Variants in EPHA6 observed in about 807,000 individuals in gnomAD.
The protein encoded by EPHA6 is EPH receptor A6.
EPHA6 carries 50 observed loss-of-function variants against 112.0 expected under a neutral mutation model. The ratio of observed to expected loss-of-function variants is 0.45; its 90% CI spans 0.36 to 0.56. The LOEUF (loss-of-function observed/expected upper bound fraction) is 0.56. Among genes scored for constraint, EPHA6 ranks in the 20% least tolerant of loss-of-function variants. EPHA6 has a pLI of 0.00. For synonymous variants in EPHA6, 529 were observed against 490.7 expected, an observed-to-expected ratio of 1.08 and a Z score of -1.03; for missense variants, 1,280 against 1,417.4, an observed-to-expected ratio of 0.90 and a Z score of 1.56.
At chr3:97,007,431 C>CTTTTT (rs61260971) in intron 3 of EPHA6, among the ~76,000 whole-genome samples, 1 of 146,412 alleles carries the variant, frequency 6.8e-6, no homozygotes, top group Non-Finnish European at 1.5e-5. Context: ...GCGGTCCCTG[C>CTTTTT]TTTTTTTTTT....
chr3:96,918,380 A>G (rs62263686), intron 2 of EPHA6, among the ~76,000 whole-genome samples: 4,607 of 152,216 alleles, frequency 0.03, 107 homozygotes, highest in Middle Eastern at 0.065. Context: ...TTATGATTTA[A>G]ATAGTTGTGT....
chr3:97,546,532 A>G (rs1167092777), intron 11 of EPHA6, among the ~76,000 whole-genome samples: 2 of 151,998 alleles, frequency 1.3e-5, no homozygotes, highest in Non-Finnish European at 2.9e-5. Context: ...TAAATCTGAC[A>G]ATTATGTGTC....
intron 2 of EPHA6, among the ~76,000 whole-genome samples, chr3:96,900,691 AT>A (rs2038557560): frequency 6.6e-6 from 1 of 152,216 alleles, no homozygotes; most frequent in African/African-American, 2.4e-5. Flanking sequence ...ATTCACATGG[AT>A]TGTTTTTGCC....
chr3:97,118,378 C>T (rs1157206138), intron 3 of EPHA6, among the ~76,000 whole-genome samples: 2 of 151,520 alleles, frequency 1.3e-5, no homozygotes, highest in African/African-American at 4.8e-5. Context: ...ATTTGGAAAA[C>T]ACCTTAAAAA....
In EPHA6 at chr3:96,877,895, T is replaced by C. The variant is rs759836559; in HGVS notation, c.450+11006T>C. On this transcript the variant is annotated intron_variant, in intron 2 of 17. Transcript: ENST00000389672. Reference sequence around the variant, plus strand: ...AGCATGGAGTTAGGATTTGCGTGTGTATATAGTATGTGTGTGTGTATATAT... The same window carrying C: ...AGCATGGAGTTAGGATTTGCGTGTGCATATAGTATGTGTGTGTGTATATAT... 3.4e-5 allele frequency among the ~76,000 whole-genome samples: 5 copies of C among 147,914 alleles called. No individual in the cohort carries two copies. In the East Asian group the frequency reaches 5.9e-4, roughly 18 times the overall value.
chr3:97,193,595 G>C (rs1055014684), intron 3 of EPHA6, among the ~76,000 whole-genome samples: 1 of 149,114 alleles, frequency 6.7e-6, no homozygotes, highest in Non-Finnish European at 1.5e-5. Flanking sequence ...AGGATAACTT[G>C]ATTTTTTTTT....
At chr3:97,730,968 G>A (rs2035007200) in intron 15 of EPHA6, among the ~76,000 whole-genome samples, 1 of 152,082 alleles carries the variant, frequency 6.6e-6, no homozygotes, top group African/African-American at 2.4e-5. Context: ...CACATGGTGA[G>A]CCATTGCAGA....
chr3:97,661,270 T>C (rs192010833), intron 14 of EPHA6, among the ~76,000 whole-genome samples: 1 of 152,010 alleles, frequency 6.6e-6, no homozygotes, highest in East Asian at 1.9e-4. Flanking sequence ...TAGCTAAGAT[T>C]GTACTCCCTA....
intron 3 of EPHA6, among the ~76,000 whole-genome samples, chr3:97,216,283 A>G (rs2078032222): frequency 6.6e-6 from 1 of 152,116 alleles, no homozygotes; most frequent in South Asian, 2.1e-4. Flanking sequence ...AGACTTTTAA[A>G]CAACCTTATC....
intron 3 of EPHA6, among the ~76,000 whole-genome samples, chr3:97,002,582 A>C (rs2043706993): frequency 6.6e-6 from 1 of 151,672 alleles, no homozygotes; most frequent in African/African-American, 2.4e-5. Flanking sequence ...AATATTATGT[A>C]TTTTCTTTAA....
intron 12 of EPHA6, among the ~76,000 whole-genome samples, chr3:97,604,812 TA>T (rs1245184008): frequency 2.0e-5 from 3 of 151,698 alleles, no homozygotes; most frequent in African/African-American, 4.8e-5. Context: ...AATTTAGGAT[TA>T]AAAATTATTG....
intron 12 of EPHA6, among the ~76,000 whole-genome samples, chr3:97,605,915 A>G (rs2107437062): frequency 6.6e-6 from 1 of 151,460 alleles, no homozygotes; most frequent in African/African-American, 2.4e-5. Context: ...TTTCTGATTT[A>G]TTTCAGCAGT....
At chr3:97,084,219 T>A (rs2046822939) in intron 3 of EPHA6, among the ~76,000 whole-genome samples, 1 of 150,098 alleles carries the variant, frequency 6.7e-6, no homozygotes, top group African/African-American at 2.4e-5. Flanking sequence ...TTCACAGAAA[T>A]CTTGGTTATT....
At chr3:96,855,001 C>T (rs939880675) in intron 1 of EPHA6, among the ~76,000 whole-genome samples, 10 of 152,142 alleles carry the variant, frequency 6.6e-5, no homozygotes, top group East Asian at 3.9e-4. Context: ...AGTGCAACTG[C>T]GTTCCATTCT....
At chr3:97,115,044 A>G (rs916656069) in intron 3 of EPHA6, among the ~76,000 whole-genome samples, 40 of 151,974 alleles carry the variant, frequency 2.6e-4, no homozygotes, top group African/African-American at 9.4e-4. Flanking sequence ...GACTTGCAAT[A>G]TAGTTGGAAA....
chr3:97,405,248 G>T lies in EPHA6; in HGVS notation c.1705G>T (p.Asp569Tyr). The T allele has an allele frequency of 6.2e-7, 1 of 1,611,646 alleles. No homozygotes were observed. Among genetic ancestry groups the T allele is most frequent in the Non-Finnish European group, 8.5e-7 (1 of 1,178,854 alleles). ...APAFSNGAIL[D>Y]YEIKYYEKEH... ...TGCTTTTTCCAATGGAGCCATTCTG[G>T]ACTACGAGATCAAGTACTATGAGAA... The change falls in exon 6 of 18, where the codon GAC becomes TAC. Residue 569 changes from aspartate (D) to tyrosine (Y), a missense_variant. Coordinates refer to ENST00000389672, the MANE Select transcript of EPHA6 (RefSeq NM_001080448.3).
intron 5 of EPHA6, among the ~76,000 whole-genome samples, chr3:97,403,292 TTTC>T (rs2087112741): frequency 6.6e-6 from 1 of 152,106 alleles, no homozygotes; most frequent in Non-Finnish European, 1.5e-5. Context: ...GCAAATTAAA[TTTC>T]TTATTTAATT....
At chr3:96,849,542 G>A (rs2035268264) in intron 1 of EPHA6, among the ~76,000 whole-genome samples, 8 of 152,044 alleles carry the variant, frequency 5.3e-5, no homozygotes, top group Admixed American at 5.2e-4. Context: ...GAGAATGCAG[G>A]ATCCCTTCAA....
intron 3 of EPHA6, among the ~76,000 whole-genome samples, chr3:97,086,061 A>G (rs562589971): frequency 2.0e-5 from 3 of 151,176 alleles, no homozygotes; most frequent in East Asian, 1.9e-4. Context: ...CGGCCTCCCA[A>G]GTAGCTGGGA....
Sources: gnomAD v4.1 joint callset for allele counts (sites outside exome capture counted in the v4.1 genomes callset) on GRCh38, gnomAD v4.1.1 for gene constraint, MANE v1.5 for transcripts, NCBI Gene and HGNC (gene_info 2026-07-23, HGNC 2026-07-21) for gene names.